Variants in LGI2 observed in about 807,000 individuals in gnomAD.
LGI2 encodes the protein leucine-rich repeat LGI family member 2.
Under a neutral mutation model 52.0 loss-of-function variants are expected in LGI2, and 30 were observed. That is an observed-to-expected ratio of 0.58 (90% CI 0.43 to 0.78). The LOEUF (loss-of-function observed/expected upper bound fraction) is 0.78. Ranked by LOEUF, LGI2 falls within the 30% of genes least tolerant of loss-of-function variation. The pLI is 0.00. For missense variants in LGI2, 573 were observed against 692.5 expected (o/e 0.83, Z 1.94); for synonymous variants, 270 against 271.8 (o/e 0.99, Z 0.06).
At chr4:25,021,341 T>C (rs1725952670) in intron 4 of LGI2, among the ~76,000 whole-genome samples, 1 of 152,224 alleles carries the variant, frequency 6.6e-6, no homozygotes, top group Non-Finnish European at 1.5e-5. Context: ...TAGATTTTAG[T>C]TACAGATTGG....
intron 6 of LGI2, among the ~76,000 whole-genome samples, chr4:25,016,196 T>A (rs1476031759): frequency 6.6e-6 from 1 of 152,212 alleles, no homozygotes; most frequent in Non-Finnish European, 1.5e-5. Flanking sequence ...TCAGAAAATA[T>A]GTTTTCTTGT....
At chr4:24,995,379 T>G (rs1725039895), downstream of LGI2, among the ~76,000 whole-genome samples, 1 of 152,232 alleles carries the variant, frequency 6.6e-6, no homozygotes, top group Non-Finnish European at 1.5e-5. Context: ...CTCACATAGT[T>G]TCCATGAATC....
chr4:24,993,593 C>T, the LGI2 span, among the ~76,000 whole-genome samples: 2 of 152,198 alleles, frequency 1.3e-5, no homozygotes, highest in African/African-American at 4.8e-5. Flanking sequence ...CCCACCCCAA[C>T]CCATGACTTT....
In LGI2 at chr4:24,999,915, C is replaced by T. The variant is rs1041636776; in HGVS notation, c.*3536G>A. The T allele has an allele frequency of 2.2e-6, 1 of 454,876 alleles. No homozygotes were observed. Among genetic ancestry groups the T allele is most frequent in the African/African-American group, 2.0e-5 (1 of 50,018 alleles). The allele number at this position is 454,876 out of a possible 1,614,324, so 28.2% of individuals were successfully genotyped here. On this transcript the variant is annotated 3_prime_UTR_variant, in exon 8 of 8. Transcript: ENST00000382114. ...GATCTCTTCTTGTTTATCTGGTGGA[C>T]AATGTGACAAGAACCAGATGTGTCT... is the stretch of plus-strand genomic sequence containing the variant.
downstream of LGI2, among the ~76,000 whole-genome samples, chr4:24,994,841 A>T (rs75809026): frequency 6.6e-6 from 1 of 152,180 alleles, no homozygotes; most frequent in African/African-American, 2.4e-5. Context: ...TCTCTGAGAT[A>T]TCATGGATAG....
intron 3 of LGI2, among the ~76,000 whole-genome samples, chr4:25,026,319 A>G (rs771708659): frequency 6.6e-6 from 1 of 151,956 alleles, no homozygotes; most frequent in African/African-American, 2.4e-5. Flanking sequence ...GGCAAAGCTC[A>G]TTGCGAGGGG....
chr4:25,026,195 C>A (rs76551477), intron 3 of LGI2, among the ~76,000 whole-genome samples: 3,557 of 151,606 alleles, frequency 0.023, 157 homozygotes, highest in African/African-American at 0.081. Flanking sequence ...CTAAGTGAGG[C>A]TATCCCATCT....
the LGI2 span, among the ~76,000 whole-genome samples, chr4:24,992,449 C>T: frequency 3.9e-5 from 6 of 151,966 alleles, no homozygotes; most frequent in Non-Finnish European, 8.8e-5. Flanking sequence ...TGCGGTGGCT[C>T]ACACCTGTAA....
intron 7 of LGI2, among the ~76,000 whole-genome samples, chr4:25,009,099 A>G (rs1263081504): frequency 6.6e-6 from 1 of 152,228 alleles, no homozygotes; most frequent in East Asian, 1.9e-4. Context: ...TTAGCCAGGT[A>G]CCTGCATCCT....
chr4:25,008,501 T>C (rs7667069), intron 7 of LGI2, among the ~76,000 whole-genome samples: 55,222 of 144,186 alleles, frequency 0.38, 10,418 homozygotes, highest in Middle Eastern at 0.55. Context: ...TGCAGTGAGC[T>C]GAGATCACAC....
chr4:25,025,125 A>G (rs1263349368), intron 3 of LGI2, among the ~76,000 whole-genome samples: 2 of 149,726 alleles, frequency 1.3e-5, no homozygotes, highest in African/African-American at 2.4e-5. Flanking sequence ...AAGTCTCCAA[A>G]GAATTCTGAG....
intron 1 of LGI2, among the ~76,000 whole-genome samples, chr4:25,029,886 G>T (rs61262185): frequency 0.055 from 8,356 of 152,198 alleles, 283 homozygotes; most frequent in East Asian, 0.14. Flanking sequence ...CACGGGGGGC[G>T]GCCCCTCCCC....
In LGI2 at chr4:25,030,644, A is replaced by G; in HGVS notation, c.50T>C (p.Leu17Pro). 3 of 1,537,250 alleles carry G rather than the reference A, an allele frequency of 2.0e-6. No individual in the cohort carries two copies. Among genetic ancestry groups the G allele is most frequent in the Non-Finnish European group, 2.6e-6 (3 of 1,142,118 alleles). The change falls in exon 1 of 8, where the codon CTG (leucine) becomes CCG (proline). Residue 17 changes from leucine (L) to proline (P), a missense_variant. Coordinates refer to ENST00000382114, the MANE Select transcript of LGI2 (RefSeq NM_018176.4). ...GCGALGLLLL[L>P]LGAACLIPRS... ...CGGTATCAGGCACGCGGCGCCCAGC[A>G]GCAGCAGCAGCAGCCCGAGCGCTCC...
rs760581968 is a variant in LGI2, at chr4:25,012,352, C to A, written c.803G>T (p.Ser268Ile). 1.2e-6 allele frequency: 2 copies of A among 1,614,110 alleles called. No individual in the cohort carries two copies. Among genetic ancestry groups the A allele is most frequent in the Non-Finnish European group, 1.7e-6 (2 of 1,180,042 alleles). ...EWDHIEMNFR[S>I]YDNITGQSIV... ...CAACACACCTGTAATGTTGTCATAG[C>A]TCCGGAAATTCATTTCAATGTGGTC... is the stretch of plus-strand genomic sequence containing the variant. The change falls in exon 7 of 8, where the codon AGC becomes ATC. Residue 268 changes from serine (S) to isoleucine (I), a missense_variant. Transcript: ENST00000382114.
chr4:25,015,126 C>A (rs552815949), intron 6 of LGI2, among the ~76,000 whole-genome samples: 7 of 152,328 alleles, frequency 4.6e-5, no homozygotes, highest in African/African-American at 1.4e-4. Flanking sequence ...GGGACTCTTA[C>A]AATTTAGGCC....
chr4:25,006,675 T>C (rs1216567844), intron 7 of LGI2, among the ~76,000 whole-genome samples: 1 of 152,230 alleles, frequency 6.6e-6, no homozygotes, highest in East Asian at 1.9e-4. Flanking sequence ...CAGGCACTAT[T>C]CTAAGCACTT....
intron 4 of LGI2, among the ~76,000 whole-genome samples, chr4:25,023,549 C>A (rs193207963): frequency 2.0e-5 from 3 of 152,320 alleles, no homozygotes; most frequent in East Asian, 3.9e-4. Context: ...CTATTGACAA[C>A]CCCCTTTGCC....
At chr4:24,996,381 T>C (rs748787583), downstream of LGI2, among the ~76,000 whole-genome samples, 3 of 152,218 alleles carry the variant, frequency 2.0e-5, no homozygotes, top group Non-Finnish European at 4.4e-5. Context: ...AAAAGTTTAT[T>C]TGGATTTCCA....
At chr4:25,021,055 T>G (rs1254209700) in intron 4 of LGI2, among the ~76,000 whole-genome samples, 1 of 151,110 alleles carries the variant, frequency 6.6e-6, no homozygotes, top group Non-Finnish European at 1.5e-5. Context: ...AAACTTCAGC[T>G]AATTGAAAGT....
Sources: gnomAD v4.1 joint callset for allele counts (sites outside exome capture counted in the v4.1 genomes callset) on GRCh38, gnomAD v4.1.1 for gene constraint, MANE v1.5 for transcripts, NCBI Gene and HGNC (gene_info 2026-07-23, HGNC 2026-07-21) for gene names.